Variants in ACCSL observed in about 807,000 individuals in gnomAD.
ACCSL encodes probable inactive 1-aminocyclopropane-1-carboxylate synthase-like protein 2.
A neutral mutation model predicts 61.7 loss-of-function variants in ACCSL; 55 were observed. The ratio of observed to expected loss-of-function variants is 0.89; its 90% CI spans 0.72 to 1.12. The LOEUF (loss-of-function observed/expected upper bound fraction) is 1.12, where lower values mean the gene tolerates loss of function less well. Ranked by LOEUF, ACCSL falls within the 50% of genes most tolerant of loss-of-function variation. The pLI is 0.00. For missense variants in ACCSL, 632 were observed against 698.0 expected (o/e 0.91, Z 1.07); for synonymous variants, 258 against 264.3 (o/e 0.98, Z 0.23).
the ACCSL span, among the ~76,000 whole-genome samples, chr11:43,990,969 G>A: frequency 6.6e-6 from 1 of 152,120 alleles, no homozygotes; most frequent in Non-Finnish European, 1.5e-5. Flanking sequence ...TACTTGGGAG[G>A]CTGAGGCAGG....
the ACCSL span, among the ~76,000 whole-genome samples, chr11:44,032,602 T>A: frequency 6.6e-6 from 1 of 152,100 alleles, no homozygotes; most frequent in Admixed American, 6.5e-5. Context: ...AGGCATTAAA[T>A]AAGCACTCCT....
At chr11:44,059,634 G>A (rs190804276) in intron 13 of ACCSL, among the ~76,000 whole-genome samples, 6 of 152,334 alleles carry the variant, frequency 3.9e-5, no homozygotes, top group Non-Finnish European at 8.8e-5. Context: ...GAGATGTCTC[G>A]CAGGCTGACA....
At chr11:44,047,791 A>G (rs7395345), upstream of ACCSL, among the ~76,000 whole-genome samples, 152,210 of 152,360 alleles carry the variant, frequency 1, 76,031 homozygotes, top group Middle Eastern at 1. Context: ...TGCCATTTAA[A>G]TAGAGCACTC....
chr11:44,054,860 A>AT (rs1247787189), intron 8 of ACCSL, among the ~76,000 whole-genome samples: 3 of 152,148 alleles, frequency 2.0e-5, no homozygotes, highest in African/African-American at 7.2e-5. Flanking sequence ...CCAGTTAAAA[A>AT]TTCTCTGGGC....
At chr11:43,998,829 G>C in the ACCSL span, among the ~76,000 whole-genome samples, 2 of 150,112 alleles carry the variant, frequency 1.3e-5, no homozygotes, top group Non-Finnish European at 2.9e-5. Context: ...ATGTGATCAC[G>C]GCTCACTGCA....
At chr11:43,938,884 T>C in the ACCSL span, among the ~76,000 whole-genome samples, 1 of 152,354 alleles carries the variant, frequency 6.6e-6, no homozygotes, top group Non-Finnish European at 1.5e-5. Flanking sequence ...ATACCCTTAA[T>C]ATAATACTTT....
At chr11:43,992,460 G>A in the ACCSL span, among the ~76,000 whole-genome samples, 6 of 152,174 alleles carry the variant, frequency 3.9e-5, no homozygotes, top group African/African-American at 1.2e-4. Flanking sequence ...AGGTGTCCAC[G>A]CTTCCAGTAC....
the ACCSL span, among the ~76,000 whole-genome samples, chr11:43,955,795 T>A: frequency 7.9e-5 from 12 of 152,040 alleles, no homozygotes; most frequent in Non-Finnish European, 1.6e-4. Flanking sequence ...GACAATTTTT[T>A]ATGTCTACAC....
At chr11:44,030,714 T>C in the ACCSL span, among the ~76,000 whole-genome samples, 2 of 152,126 alleles carry the variant, frequency 1.3e-5, no homozygotes, top group African/African-American at 2.4e-5. Flanking sequence ...TTGTGTAATT[T>C]GTGATCAGCC....
At chr11:43,992,569 A>G in the ACCSL span, among the ~76,000 whole-genome samples, 1 of 152,220 alleles carries the variant, frequency 6.6e-6, no homozygotes, top group Non-Finnish European at 1.5e-5. Context: ...CTGGCTTGGC[A>G]TATTGTGGAC....
the ACCSL span, among the ~76,000 whole-genome samples, chr11:43,979,778 C>T: frequency 1.5e-5 from 2 of 134,592 alleles, no homozygotes; most frequent in Non-Finnish European, 3.1e-5. Context: ...ACCCAGGAGG[C>T]GGGGGTTGCA....
At chr11:44,026,725 T>G in the ACCSL span, among the ~76,000 whole-genome samples, 1 of 152,250 alleles carries the variant, frequency 6.6e-6, no homozygotes, top group Admixed American at 6.5e-5. Context: ...TAGTGACTTA[T>G]CTAGACTAAT....
the ACCSL span, among the ~76,000 whole-genome samples, chr11:44,014,997 A>C: frequency 6.6e-6 from 1 of 152,178 alleles, no homozygotes; most frequent in East Asian, 1.9e-4. Flanking sequence ...GATGATACAC[A>C]TGCAGGGGCA....
the ACCSL span, among the ~76,000 whole-genome samples, chr11:43,978,524 G>A: frequency 6.6e-6 from 1 of 152,176 alleles, no homozygotes; most frequent in Non-Finnish European, 1.5e-5. Context: ...GCAAGGTACA[G>A]GCATCAAAGG....
chr11:44,040,701 G>A, the ACCSL span, among the ~76,000 whole-genome samples: 3 of 152,274 alleles, frequency 2.0e-5, no homozygotes, highest in South Asian at 6.2e-4. Context: ...CTGGTGGCAG[G>A]GTAATGTGAG....
chr11:44,034,213 TG>T, the ACCSL span, among the ~76,000 whole-genome samples: 1 of 152,234 alleles, frequency 6.6e-6, no homozygotes, highest in Non-Finnish European at 1.5e-5. Context: ...TCTGGGACTG[TG>T]GGTCTTCATG....
At chr11:44,006,020 A>G in the ACCSL span, among the ~76,000 whole-genome samples, 1 of 152,184 alleles carries the variant, frequency 6.6e-6, no homozygotes, top group African/African-American at 2.4e-5. Context: ...TCTGTGGCCT[A>G]GGCTCAAGAC....
At chr11:43,963,647 G>A in the ACCSL span, among the ~76,000 whole-genome samples, 3 of 152,188 alleles carry the variant, frequency 2.0e-5, no homozygotes, top group Non-Finnish European at 4.4e-5. Flanking sequence ...TGTCTCTTGT[G>A]CTACAGCAGA....
the ACCSL span, among the ~76,000 whole-genome samples, chr11:43,958,603 C>A: frequency 6.6e-6 from 1 of 152,202 alleles, no homozygotes; most frequent in African/African-American, 2.4e-5. Flanking sequence ...AGGCAGCAGG[C>A]AATGTGAACC....
Sources: allele counts gnomAD v4.1 joint callset (sites outside exome capture counted in the v4.1 genomes callset), GRCh38; gene constraint gnomAD v4.1.1; transcripts MANE v1.5; gene names NCBI Gene and HGNC (gene_info 2026-07-23, HGNC 2026-07-21).